Variants in IL7R observed in about 807,000 individuals in gnomAD.
The protein encoded by IL7R is interleukin-7 receptor subunit alpha.
IL7R carries 38 observed loss-of-function variants against 47.0 expected under a neutral mutation model. That is an observed-to-expected ratio of 0.81 (90% CI 0.62 to 1.06). The LOEUF (loss-of-function observed/expected upper bound fraction) is 1.06, where lower values mean the gene tolerates loss of function less well. Ranked by LOEUF, IL7R falls within the 50% of genes least tolerant of loss-of-function variation. IL7R has a pLI of 0.00. For synonymous variants in IL7R, 221 were observed against 199.8 expected (o/e 1.11, Z -0.89); for missense variants, 633 against 534.8 (o/e 1.18, Z -1.81).
chr5:35,871,248 T>G (rs769080350), intron 4 of IL7R, 35 bp downstream of exon 4: 1 of 1,550,940 alleles, frequency 6.4e-7, no homozygotes, highest in South Asian at 1.1e-5. Flanking sequence ...AAATAAAAAC[T>G]TATGAATGTT....
rs1036427858 is a variant in IL7R, at chr5:35,878,141, T to A, written c.*1655T>A. 1 of 233,210 alleles carries A rather than the reference T, an allele frequency of 4.3e-6. No homozygotes were observed. The highest frequency in any genetic ancestry group is 8.5e-6 in the Non-Finnish European group (1 of 118,070). The allele number at this position is 233,210 out of a possible 1,614,324, so 14.4% of individuals were successfully genotyped here. A position where few individuals can be genotyped will look rare whatever the true frequency, so the allele number is the denominator to read the frequency against. ...GACCTTATCTGTTGGCTTAAAGGAC[T>A]GGTAAGATCAGACCATCTTATTCTT... On this transcript the variant is annotated 3_prime_UTR_variant, in exon 8 of 8. Coordinates refer to ENST00000303115, the MANE Select transcript of IL7R (RefSeq NM_002185.5).
At position 35,857,160 on chromosome 5, in the gene IL7R, A is replaced by G. The variant is rs1353250; in HGVS notation, c.82+101A>G. 0.65 allele frequency: 516,823 copies of G among 794,988 alleles called. 172,426 individuals are homozygous for G. The highest frequency in any genetic ancestry group is 0.87 in the African/African-American group (51,522 of 59,064). 49.2% of individuals were successfully genotyped at this position (794,988 alleles called of 1,614,324 possible). A position where few individuals can be genotyped will look rare whatever the true frequency, so the allele number is the denominator to read the frequency against. ...GACCTGAGTCAGGCACTGGGTTTGA[A>G]TGCAGTTTGAGAATTTCCCACATAT... On this transcript the variant is annotated intron_variant, in intron 1 of 7. Transcript: ENST00000303115.
chr5:35,873,471 A>G lies in IL7R; in HGVS notation c.538-9A>G, dbSNP rs781314214. The G allele has an allele frequency of 6.2e-7, 1 of 1,612,572 alleles. No homozygotes were observed. Among genetic ancestry groups the G allele is most frequent in the Non-Finnish European group, 8.5e-7 (1 of 1,178,692 alleles). On this transcript the variant is annotated splice_polypyrimidine_tract_variant and intron_variant, in intron 4 of 7. Transcript: ENST00000303115. ...CATCCTAAGAATGTAACTGCACTCTACTCTCTAGCATGTGAATTTATCCAG... is the reference window on the plus strand; with the variant it reads ...CATCCTAAGAATGTAACTGCACTCTGCTCTCTAGCATGTGAATTTATCCAG...
chr5:35,857,413 A>G (rs1759682292), intron 1 of IL7R, among the ~76,000 whole-genome samples: 1 of 152,148 alleles, frequency 6.6e-6, no homozygotes. Flanking sequence ...CAGGAGATCA[A>G]ACTGGATTCA....
In IL7R at chr5:35,876,554, C is replaced by T; in HGVS notation, c.*68C>T. 1.3e-6 allele frequency: 2 copies of T among 1,538,646 alleles called. No homozygotes were observed. Among genetic ancestry groups the T allele is most frequent in the Non-Finnish European group, 1.8e-6 (2 of 1,127,106 alleles). Reference sequence around the variant, plus strand: ...TGATTTAAAAGGGAAGTCTAGAGTTCCTAGTCTCCCTCACAGCACAGAGAA... The same window carrying T: ...TGATTTAAAAGGGAAGTCTAGAGTTTCTAGTCTCCCTCACAGCACAGAGAA... On this transcript the variant is annotated 3_prime_UTR_variant, in exon 8 of 8. Transcript: ENST00000303115.
At chr5:35,874,577 G>C (rs1257188879) in intron 6 of IL7R, 35 bp downstream of exon 6, 1 of 1,412,148 alleles carries the variant, frequency 7.1e-7, no homozygotes, top group East Asian at 2.3e-5. Flanking sequence ...GGGTGATTGT[G>C]TGGGATCACG....
At chr5:35,875,176 C>T (rs1416290826) in intron 6 of IL7R, among the ~76,000 whole-genome samples, 6 of 152,168 alleles carry the variant, frequency 3.9e-5, no homozygotes, top group Non-Finnish European at 5.9e-5. Context: ...GAGTAAACAA[C>T]GGGGTTAAAT....
chr5:35,868,073 C>T (rs1371092690), intron 3 of IL7R, among the ~76,000 whole-genome samples: 1 of 151,872 alleles, frequency 6.6e-6, no homozygotes, highest in Non-Finnish European at 1.5e-5. Context: ...CAGTATTGAG[C>T]CTAAATTCCG....
chr5:35,866,159 G>T (rs190148943), intron 2 of IL7R, among the ~76,000 whole-genome samples: 153 of 152,206 alleles, frequency 1.0e-3, no homozygotes, highest in Non-Finnish European at 1.6e-3. Flanking sequence ...TGCTTTGAAT[G>T]CATTGATTGA....
In IL7R at chr5:35,871,188, AG is replaced by A. The variant is rs1225034187; in HGVS notation, c.514del (p.Glu172LysfsTer10). 1.9e-6 allele frequency: 3 copies of A among 1,613,058 alleles called. No individual in the cohort carries two copies. The highest frequency in any genetic ancestry group is 2.5e-6 in the Non-Finnish European group (3 of 1,179,016). Reference protein sequence around the residue: ...KVLMHDVAYRQEKDENKWTHV... With the variant: ...KVLMHDVAYRXEKDENKWTHV... Reference sequence around the variant, plus strand: ...TTAATGCACGATGTAGCTTACCGCCAGGAAAAGGATGAAAACAAATGGACGG... The same window carrying A: ...TTAATGCACGATGTAGCTTACCGCCAGAAAAGGATGAAAACAAATGGACGG... On this transcript the variant is annotated frameshift_variant, in exon 4 of 8. Transcript: ENST00000303115. LOFTEE classifies it high-confidence loss of function.
chr5:35,869,656 T>C (rs1760021453), intron 3 of IL7R, among the ~76,000 whole-genome samples: 1 of 152,132 alleles, frequency 6.6e-6, no homozygotes, highest in African/African-American at 2.4e-5. Context: ...CTTCAATTCC[T>C]CTATTATTAA....
chr5:35,871,114 T>C lies in IL7R; in HGVS notation c.438T>C (p.Phe146=). The change falls in exon 4 of 8, where the codon TTT becomes TTC. Residue 146 remains phenylalanine, a synonymous_variant. Transcript: ENST00000303115. ...TCTATCGGGAAGGAGCCAATGACTT[T>C]GTGGTGACATTTAATACATCACACT... ...SVVYREGAND[F]VVTFNTSHLQ... The C allele has an allele frequency of 6.2e-7, 1 of 1,612,266 alleles. No individual in the cohort carries two copies. The highest frequency in any genetic ancestry group is 1.1e-5 in the South Asian group (1 of 91,054).
intron 2 of IL7R, among the ~76,000 whole-genome samples, chr5:35,863,299 A>T (rs893896720): frequency 2.6e-5 from 4 of 152,102 alleles, no homozygotes; most frequent in Non-Finnish European, 5.9e-5. Context: ...TTAACCAGTC[A>T]CTCTCAGACC....
In IL7R at chr5:35,878,460, A is replaced by G. The variant is rs145691961; in HGVS notation, c.*1974A>G. 1,042 of 232,908 alleles carry G rather than the reference A, an allele frequency of 4.5e-3. 2 individuals are homozygous for G. The highest frequency in any genetic ancestry group is 8.9e-3 in the Middle Eastern group (7 of 784). 14.4% of individuals were successfully genotyped at this position (232,908 alleles called of 1,614,324 possible). A position where few individuals can be genotyped will look rare whatever the true frequency, so the allele number is the denominator to read the frequency against. On this transcript the variant is annotated 3_prime_UTR_variant, in exon 8 of 8. Transcript: ENST00000303115. ...TATTATTATATTATAAAATGCTATAAAAGAGCCATATTGAAAGTGCCCTGT... is the reference window on the plus strand; with the variant it reads ...TATTATTATATTATAAAATGCTATAGAAGAGCCATATTGAAAGTGCCCTGT...
rs541801251 is a variant in IL7R at position 35,878,551 on chromosome 5, G to A, written c.*2065G>A. On this transcript the variant is annotated 3_prime_UTR_variant, in exon 8 of 8. Coordinates refer to ENST00000303115, the MANE Select transcript of IL7R (RefSeq NM_002185.5). The stretch of plus-strand genomic sequence containing the variant: ...ATGGAGGAAAAGTAGAATCTGCCTG[G>A]TTTGTAGGCAGCAGAAGACATTTTT... The A allele has an allele frequency of 1.2e-3, 283 of 232,854 alleles. No homozygotes were observed. The highest frequency in any genetic ancestry group is 1.9e-3 in the Non-Finnish European group (226 of 117,866). The allele number at this position is 232,854 out of a possible 1,614,324, so 14.4% of individuals were successfully genotyped here. A position where few individuals can be genotyped will look rare whatever the true frequency, so the allele number is the denominator to read the frequency against.
intron 4 of IL7R, 139 bp downstream of exon 4, chr5:35,871,352 T>C (rs1251820075): frequency 2.5e-5 from 17 of 677,984 alleles, no homozygotes; most frequent in South Asian, 2.3e-4. Context: ...TCTCCCAATA[T>C]TGGCCCCATG....
chr5:35,871,185 G>T lies in IL7R; in HGVS notation c.509G>T (p.Arg170Leu), dbSNP rs149161098. 9 of 1,612,762 alleles carry T rather than the reference G, an allele frequency of 5.6e-6. 1 individual carries two copies. Among genetic ancestry groups the T allele is most frequent in the South Asian group, 4.4e-5 (4 of 91,044 alleles). ...GTTTTAATGCACGATGTAGCTTACC[G>T]CCAGGAAAAGGATGAAAACAAATGG... ...VKVLMHDVAY[R>L]QEKDENKWTH... The change falls in exon 4 of 8, where the codon CGC (arginine) becomes CTC (leucine). Residue 170 changes from arginine to leucine, a missense_variant. Arg to Leu is a moderately radical substitution (Grantham distance 102). Transcript: ENST00000303115.
chr5:35,875,469 C>T (rs2149904728), intron 6 of IL7R, 43 bp from the exon 7 acceptor site: 2 of 1,307,664 alleles, frequency 1.5e-6, no homozygotes, highest in Non-Finnish European at 2.2e-6. Context: ...TGTGCCTGTG[C>T]CCTCTGCCAT....
At chr5:35,873,254 A>G (rs1760118252) in intron 4 of IL7R, 3 of 577,124 alleles carry the variant, frequency 5.2e-6, no homozygotes, top group Middle Eastern at 4.5e-4. Context: ...AAGACCCATC[A>G]TTTCACTCTC....
Sources: gnomAD v4.1 joint callset for allele counts (sites outside exome capture counted in the v4.1 genomes callset) on GRCh38, gnomAD v4.1.1 for gene constraint, MANE v1.5 for transcripts, NCBI Gene and HGNC (gene_info 2026-07-23, HGNC 2026-07-21) for gene names.